PRELID2: variants seen among roughly 807,000 people sequenced by gnomAD.
The protein encoded by PRELID2 is PRELI domain containing 2.
Under a neutral mutation model 28.4 loss-of-function variants are expected in PRELID2, and 25 were observed. The ratio of observed to expected loss-of-function variants is 0.88; its 90% CI spans 0.64 to 1.23. The LOEUF is 1.23. Among genes scored for constraint, PRELID2 ranks in the 50% most tolerant of loss-of-function variants. The pLI is 0.00. For synonymous variants in PRELID2, 76 were observed against 71.6 expected, an observed-to-expected ratio of 1.06 and a Z score of -0.31; for missense variants, 201 against 214.4, an observed-to-expected ratio of 0.94 and a Z score of 0.39.
chr5:145,756,110 C>T (rs1056516757), downstream of PRELID2, among the ~76,000 whole-genome samples: 8 of 152,190 alleles, frequency 5.3e-5, no homozygotes, highest in Non-Finnish European at 1.2e-4. Context: ...CCTGGTCCTT[C>T]GTTCCATTAG....
At chr5:145,792,809 C>T (rs1197622781) in intron 5 of PRELID2, among the ~76,000 whole-genome samples, 2 of 152,076 alleles carry the variant, frequency 1.3e-5, no homozygotes, top group African/African-American at 2.4e-5. Flanking sequence ...AAAACTAAAA[C>T]ATATTTTGTA....
At chr5:145,789,198 T>C (rs1409858367) in intron 5 of PRELID2, among the ~76,000 whole-genome samples, 2 of 152,130 alleles carry the variant, frequency 1.3e-5, no homozygotes, top group African/African-American at 4.8e-5. Flanking sequence ...CACAGTAATC[T>C]TGAGTAAAAA....
At chr5:145,564,775 C>A (rs189973608) in intron 1 of PRELID2, among the ~76,000 whole-genome samples, 1 of 152,250 alleles carries the variant, frequency 6.6e-6, no homozygotes, top group East Asian at 1.9e-4. Flanking sequence ...AAAGATAACC[C>A]CCCTTTCCTA....
At chr5:145,384,733 G>T in the PRELID2 span, among the ~76,000 whole-genome samples, 1 of 152,168 alleles carries the variant, frequency 6.6e-6, no homozygotes, top group Non-Finnish European at 1.5e-5. Flanking sequence ...CATGGCGGAA[G>T]GTGAAGTAGG....
At chr5:145,486,377 A>G (rs1489984524) in intron 1 of PRELID2, among the ~76,000 whole-genome samples, 1 of 152,212 alleles carries the variant, frequency 6.6e-6, no homozygotes, top group African/African-American at 2.4e-5. Flanking sequence ...AATGTCTGGC[A>G]TATTTATATT....
chr5:145,559,963 A>C (rs910980097), intron 1 of PRELID2, among the ~76,000 whole-genome samples: 3 of 152,222 alleles, frequency 2.0e-5, no homozygotes, highest in Non-Finnish European at 2.9e-5. Context: ...TAAACCCATT[A>C]TAAGATGCAT....
At chr5:145,313,559 A>G in the PRELID2 span, among the ~76,000 whole-genome samples, 3 of 152,148 alleles carry the variant, frequency 2.0e-5, no homozygotes, top group East Asian at 3.9e-4. Context: ...TTATAGCCCA[A>G]TGAAAATGGC....
the PRELID2 span, among the ~76,000 whole-genome samples, chr5:145,438,443 CT>C: frequency 3.9e-5 from 6 of 152,100 alleles, no homozygotes; most frequent in Non-Finnish European, 8.8e-5. Context: ...CTCTTAACCT[CT>C]TTTCCCACTC....
chr5:145,410,259 T>A, the PRELID2 span, among the ~76,000 whole-genome samples: 7 of 152,166 alleles, frequency 4.6e-5, no homozygotes, highest in Admixed American at 2.6e-4. Context: ...AGGCAAATAG[T>A]TTATGACCAA....
chr5:145,318,022 A>C, the PRELID2 span, among the ~76,000 whole-genome samples: 1 of 152,320 alleles, frequency 6.6e-6, no homozygotes, highest in East Asian at 1.9e-4. Flanking sequence ...TTCTCAGGGC[A>C]GGCATTATTG....
At chr5:145,277,552 C>A in the PRELID2 span, among the ~76,000 whole-genome samples, 1 of 152,148 alleles carries the variant, frequency 6.6e-6, no homozygotes, top group Non-Finnish European at 1.5e-5. Flanking sequence ...GGACTCATAG[C>A]TACACCCATA....
intron 1 of PRELID2, among the ~76,000 whole-genome samples, chr5:145,615,733 T>C (rs909148974): frequency 7.2e-5 from 11 of 152,230 alleles, no homozygotes; most frequent in Non-Finnish European, 1.6e-4. Flanking sequence ...AATGTTAGTA[T>C]TGAGATGTGA....
Position 145,495,133 on chromosome 5 carries a change from C to T in PRELID2, n.71-21818G>A, listed in dbSNP as rs138401077. ...CAATCAAATGTTCGCCTCCACCATG[C>T]CACCAAAGCCATGTTGCTCAATCCA... On this transcript the variant is annotated intron_variant and non_coding_transcript_variant, in intron 1 of 2. Coordinates refer to the PRELID2 transcript ENST00000510259. Among the ~76,000 whole-genome samples, 153 of 152,266 alleles carry T rather than the reference C, an allele frequency of 1.0e-3. 4 individuals are homozygous for T. The East Asian group carries it at 0.02, about 20-fold the overall frequency.
the PRELID2 span, among the ~76,000 whole-genome samples, chr5:145,458,174 C>T: frequency 1.6e-3 from 250 of 152,192 alleles, 3 homozygotes; most frequent in Admixed American, 0.014. Context: ...TAGTAAGATA[C>T]AAAAAATTTT....
Position 145,498,548 on chromosome 5 carries a change from G to T in PRELID2, n.71-25233C>A, listed in dbSNP as rs1245349985. ...GTTTTGTTGTTGTTGTTGTTGTTTT[G>T]AGACAAAGTCTCACTCTGTTGCCTA... is the stretch of plus-strand genomic sequence containing the variant. On this transcript the variant is annotated intron_variant and non_coding_transcript_variant, in intron 1 of 2. Coordinates refer to the PRELID2 transcript ENST00000510259. 2.0e-5 allele frequency among the ~76,000 whole-genome samples: 3 copies of T among 151,802 alleles called. No individual in the cohort carries two copies. In the South Asian group the frequency reaches 6.2e-4, roughly 32 times the overall value.
the PRELID2 span, among the ~76,000 whole-genome samples, chr5:145,286,713 TTTG>T: frequency 0.03 from 1,938 of 63,878 alleles, 41 homozygotes; most frequent in African/African-American, 0.13. Flanking sequence ...TTTTTTTTTG[TTTG>T]TTTGTTTGTT....
chr5:145,498,340 C>A (rs1281126606), intron 1 of PRELID2, among the ~76,000 whole-genome samples: 1 of 152,138 alleles, frequency 6.6e-6, no homozygotes, highest in South Asian at 2.1e-4. Context: ...TATATGTTAA[C>A]TGAATTATTA....
At chr5:145,315,162 C>T in the PRELID2 span, among the ~76,000 whole-genome samples, 4 of 150,632 alleles carry the variant, frequency 2.7e-5, no homozygotes, top group African/African-American at 4.9e-5. Context: ...CTCCGCCTCC[C>T]GGGCTCAAGC....
the PRELID2 span, among the ~76,000 whole-genome samples, chr5:145,268,731 T>G: frequency 6.6e-6 from 1 of 152,002 alleles, no homozygotes; most frequent in Non-Finnish European, 1.5e-5. Flanking sequence ...AGTATAAAGG[T>G]TGAAATAAAA....
Sources: allele counts gnomAD v4.1 joint callset (sites outside exome capture counted in the v4.1 genomes callset), GRCh38; gene constraint gnomAD v4.1.1; transcripts MANE v1.5; gene names NCBI Gene and HGNC (gene_info 2026-07-23, HGNC 2026-07-21).